Variants in FLNB observed in about 807,000 individuals in gnomAD.
FLNB encodes the protein filamin-B.
Under a neutral mutation model 250.6 loss-of-function variants are expected in FLNB, and 111 were observed. The observed-to-expected ratio is 0.44, with a 90% CI of 0.38 to 0.52. The LOEUF (loss-of-function observed/expected upper bound fraction) is 0.52, where lower values mean the gene tolerates loss of function less well. Among genes scored for constraint, FLNB ranks in the 20% least tolerant of loss-of-function variants. The pLI, the probability that FLNB is intolerant of heterozygous loss-of-function variation, is 0.00. For missense variants in FLNB, 2,869 were observed against 3,447.8 expected (o/e 0.83, Z 4.20); for synonymous variants, 1,302 against 1,372.1 (o/e 0.95, Z 1.13).
chr3:58,117,057 G>A (rs2097279356), intron 18 of FLNB, among the ~76,000 whole-genome samples: 1 of 152,160 alleles, frequency 6.6e-6, no homozygotes, highest in Non-Finnish European at 1.5e-5. Flanking sequence ...AGTGTCTTGT[G>A]TATGTATATT....
chr3:58,044,375 T>C lies in FLNB; in HGVS notation c.293-32671T>C, dbSNP rs2106813665. ...ACTTTGAGAGGCCAAGGTGGGAGGATCGCTTGAGCCCAGAAGTTCAAAGCC... is the reference window on the plus strand; with the variant it reads ...ACTTTGAGAGGCCAAGGTGGGAGGACCGCTTGAGCCCAGAAGTTCAAAGCC... On this transcript the variant is annotated intron_variant, in intron 1 of 45. Transcript: ENST00000295956. Among the ~76,000 whole-genome samples, 2 of 152,198 alleles carry C rather than the reference T, an allele frequency of 1.3e-5. 1 individual carries two copies. Among genetic ancestry groups the C allele is most frequent in the South Asian group, 4.1e-4 (2 of 4,820 alleles).
At position 58,101,094 on chromosome 3, in the gene FLNB, G is replaced by A. The variant is rs550135683; in HGVS notation, c.1346-1109G>A. ...AAGTCACTTGCCATAAAGTGCCACCGTAAGCTTATGTTCATCCATAAACCA... is the reference window on the plus strand; with the variant it reads ...AAGTCACTTGCCATAAAGTGCCACCATAAGCTTATGTTCATCCATAAACCA... On this transcript the variant is annotated intron_variant, in intron 8 of 45. Transcript: ENST00000295956. Among the ~76,000 whole-genome samples the A allele has an allele frequency of 3.9e-5, 6 of 152,226 alleles. No individual in the cohort carries two copies. In the South Asian group the frequency reaches 8.3e-4, roughly 21 times the overall value.
intron 1 of FLNB, among the ~76,000 whole-genome samples, chr3:58,036,191 T>G (rs559666344): frequency 6.6e-6 from 1 of 152,354 alleles, no homozygotes; most frequent in East Asian, 1.9e-4. Flanking sequence ...TCTGGGGCTT[T>G]GGACCCCAGT....
At chr3:58,163,438 G>A (rs1214579220) in intron 43 of FLNB, 108 bp downstream of exon 43, 1 of 1,184,906 alleles carries the variant, frequency 8.4e-7, no homozygotes, top group Non-Finnish European at 1.2e-6. Context: ...ACTCCCCGTG[G>A]AAACTGGGGT....
chr3:58,170,979 G>A lies in FLNB; in HGVS notation c.*217G>A, dbSNP rs879199720. ...AATGCAAGCTTGTTCAGGGGGCTGA[G>A]AAGATCCTGAGTACACTAGGTGCAA... On this transcript the variant is annotated 3_prime_UTR_variant, in exon 46 of 46. Coordinates refer to ENST00000295956, the MANE Select transcript of FLNB (RefSeq NM_001457.4). 5 of 553,062 alleles carry A rather than the reference G, an allele frequency of 9.0e-6. No homozygotes were observed. The highest frequency in any genetic ancestry group is 6.1e-5 in the South Asian group (3 of 49,500). 34.3% of individuals were successfully genotyped at this position (553,062 alleles called of 1,614,324 possible). A position where few individuals can be genotyped will look rare whatever the true frequency, so the allele number is the denominator to read the frequency against.
intron 43 of FLNB, among the ~76,000 whole-genome samples, chr3:58,166,820 T>TAA (rs34096220): frequency 7.7e-4 from 114 of 147,774 alleles, no homozygotes; most frequent in South Asian, 2.4e-3. Context: ...AGACTTTATC[T>TAA]AAAAAAAAAA....
At chr3:58,083,098 G>A (rs1295559402) in intron 4 of FLNB, among the ~76,000 whole-genome samples, 1 of 152,084 alleles carries the variant, frequency 6.6e-6, no homozygotes, top group Non-Finnish European at 1.5e-5. Context: ...TATTCAGTTT[G>A]TTGTAGAATT....
intron 25 of FLNB, chr3:58,131,849 A>G: frequency 9.9e-7 from 1 of 1,011,460 alleles, no homozygotes; most frequent in Non-Finnish European, 1.5e-6. Flanking sequence ...GAGAGGGAGA[A>G]AAAGAAGAAA....
rs1287425352 is a variant in FLNB, at chr3:58,145,843, G to C, written c.5426-78G>C. 1.8e-5 allele frequency: 28 copies of C among 1,591,434 alleles called. 1 individual carries two copies. The highest frequency in any genetic ancestry group is 5.0e-5 in the Admixed American group (3 of 59,940). On this transcript the variant is annotated intron_variant, in intron 32 of 45. Transcript: ENST00000295956. The stretch of plus-strand genomic sequence containing the variant: ...GCGCCAGACCTGTAGAGAGGTGGAC[G>C]TCAAGATGCCAGTTGTCCAGGGTCT...
chr3:58,072,695 C>T (rs1465093200), intron 1 of FLNB, among the ~76,000 whole-genome samples: 1 of 152,182 alleles, frequency 6.6e-6, no homozygotes, highest in Non-Finnish European at 1.5e-5. Context: ...TGCTCTCTCT[C>T]TAGTCCTTAT....
At position 58,148,235 on chromosome 3, in the gene FLNB, T is replaced by G. The variant is rs763608749; in HGVS notation, c.5758T>G (p.Leu1920Val). The G allele has an allele frequency of 6.2e-7, 1 of 1,614,194 alleles. No homozygotes were observed. ...CAGCAGGCGGTGCTCCCAGGTGAAGTTGGGCTCAGCCGCTGACTTCCTGCT... is the reference window on the plus strand; with the variant it reads ...CAGCAGGCGGTGCTCCCAGGTGAAGGTGGGCTCAGCCGCTGACTTCCTGCT... ...DDSRRCSQVKLGSAADFLLDI... is the reference protein window; with the variant it reads ...DDSRRCSQVKVGSAADFLLDI... Residue 1920 changes from leucine (L) to valine (V), a missense_variant, in exon 35 of 46, where the codon TTG becomes GTG. Physicochemically the swap from Leu to Val is conservative, Grantham distance 32. Transcript: ENST00000295956.
Position 58,170,985 on chromosome 3 carries a change from C to A in FLNB, c.*223C>A, listed in dbSNP as rs1182776387. On this transcript the variant is annotated 3_prime_UTR_variant, in exon 46 of 46. Transcript: ENST00000295956. ...AGCTTGTTCAGGGGGCTGAGAAGAT[C>A]CTGAGTACACTAGGTGCAAACCAGA... The A allele has an allele frequency of 3.7e-6, 2 of 540,840 alleles. No homozygotes were observed. The highest frequency in any genetic ancestry group is 6.6e-6 in the Non-Finnish European group (2 of 301,232). 33.5% of individuals were successfully genotyped at this position (540,840 alleles called of 1,614,324 possible). A position where few individuals can be genotyped will look rare whatever the true frequency, so the allele number is the denominator to read the frequency against.
chr3:58,024,519 C>A (rs1045439825), intron 1 of FLNB, among the ~76,000 whole-genome samples: 1 of 151,898 alleles, frequency 6.6e-6, no homozygotes, highest in Admixed American at 6.6e-5. Flanking sequence ...GATGAAGAAG[C>A]AATCTAATTA....
intron 20 of FLNB, among the ~76,000 whole-genome samples, chr3:58,121,950 A>ACT: frequency 6.6e-6 from 1 of 151,868 alleles, no homozygotes; most frequent in Non-Finnish European, 1.5e-5. Flanking sequence ...CGGGCGGATC[A>ACT]TGAGGTCAGG....
At chr3:58,130,616 G>T in intron 24 of FLNB, 125 bp from the exon 25 acceptor site, 1 of 847,504 alleles carries the variant, frequency 1.2e-6, no homozygotes, top group Non-Finnish European at 1.9e-6. Flanking sequence ...ACACAGTGAG[G>T]CAGGGGGAGC....
intron 4 of FLNB, among the ~76,000 whole-genome samples, chr3:58,087,287 T>A (rs2106998605): frequency 1.3e-5 from 2 of 152,290 alleles, no homozygotes; most frequent in African/African-American, 2.4e-5. Context: ...CTTTTAAGGA[T>A]ACATAGTGAT....
rs2097382785 is a variant in FLNB at position 58,171,741 on chromosome 3, T to G, written c.*979T>G. Reference sequence around the variant, plus strand: ...CCCCAGCCAACTTCATGGGTCACTTTTTCTGGAAAATAATGATCTGTACAG... The same window carrying G: ...CCCCAGCCAACTTCATGGGTCACTTGTTCTGGAAAATAATGATCTGTACAG... On this transcript the variant is annotated 3_prime_UTR_variant, in exon 46 of 46. Coordinates refer to ENST00000295956, the MANE Select transcript of FLNB (RefSeq NM_001457.4). This position sits in a 1 kb window ranked among gnomAD's most constrained non-coding sequence, Gnocchi z 5.5. 6.6e-6 allele frequency: 1 copy of G among 152,332 alleles called. No homozygotes were observed. The highest frequency in any genetic ancestry group is 1.5e-5 in the Non-Finnish European group (1 of 68,132). 9.4% of individuals were successfully genotyped at this position (152,332 alleles called of 1,614,324 possible). A position where few individuals can be genotyped will look rare whatever the true frequency, so the allele number is the denominator to read the frequency against.
rs1351023939 is a variant in FLNB, at chr3:58,109,161, G to C, written c.2056-18G>C. 1 of 1,614,070 alleles carries C rather than the reference G, an allele frequency of 6.2e-7. No homozygotes were observed. The highest frequency in any genetic ancestry group is 1.3e-5 in the African/African-American group (1 of 74,932). On this transcript the variant is annotated intron_variant, in intron 13 of 45. Transcript: ENST00000295956. ...AGTGTGAGGGCCACCTCTGGTCCTA[G>C]CTCTGGCTTTTTTGCAGGATGGGGA...
At chr3:58,110,479 TTG>T (rs2097266692) in intron 16 of FLNB, among the ~76,000 whole-genome samples, 1 of 149,232 alleles carries the variant, frequency 6.7e-6, no homozygotes, top group Non-Finnish European at 1.5e-5. Context: ...AGATGGAGTT[TTG>T]CTCTTGTTGC....
Sources: allele counts gnomAD v4.1 joint callset (sites outside exome capture counted in the v4.1 genomes callset), GRCh38; gene constraint gnomAD v4.1.1; non-coding constraint Gnocchi (gnomAD v3.1); transcripts MANE v1.5; gene names NCBI Gene and HGNC (gene_info 2026-07-23, HGNC 2026-07-21).